WBP2NL: variants seen among roughly 807,000 people sequenced by gnomAD.
WBP2NL encodes WBP2 N-terminal like.
WBP2NL carries 27 observed loss-of-function variants against 23.3 expected under a neutral mutation model. The observed-to-expected ratio is 1.16, with a 90% CI of 0.85 to 1.60. The LOEUF (loss-of-function observed/expected upper bound fraction) is 1.60. Ranked by LOEUF, WBP2NL falls within the 40% of genes most tolerant of loss-of-function variation. WBP2NL has a pLI of 0.00. For missense variants in WBP2NL, 370 were observed against 389.5 expected (o/e 0.95, Z 0.42); for synonymous variants, 151 against 145.9 (o/e 1.03, Z -0.25).
chr22:42,048,185 G>T (rs1486223342), intron 8 of WBP2NL, among the ~76,000 whole-genome samples: 4 of 151,350 alleles, frequency 2.6e-5, no homozygotes, highest in Non-Finnish European at 5.9e-5. Context: ...ACTTTGGGAG[G>T]CCAAGGCGGG....
At position 42,027,858 on chromosome 22, in the gene WBP2NL, A is replaced by T. The variant is rs911275763; in HGVS notation, c.*677A>T. The T allele has an allele frequency of 7.5e-6, 3 of 397,846 alleles. No individual in the cohort carries two copies. Among genetic ancestry groups the T allele is most frequent in the Non-Finnish European group, 4.4e-6 (1 of 225,918 alleles). 24.6% of individuals were successfully genotyped at this position (397,846 alleles called of 1,614,324 possible). On this transcript the variant is annotated 3_prime_UTR_variant, in exon 6 of 6. Coordinates refer to ENST00000328823, the MANE Select transcript of WBP2NL (RefSeq NM_152613.3). ...AGAATACGTGAATAACTACAAATCA[A>T]TTCTCCCCAAAATGACAGAAATATG...
intron 1 of WBP2NL, among the ~76,000 whole-genome samples, chr22:42,005,108 T>A (rs1922093365): frequency 6.6e-6 from 1 of 151,834 alleles, no homozygotes; most frequent in Non-Finnish European, 1.5e-5. Context: ...TCCCGGCTAC[T>A]CAGGAGGCTG....
intron 5 of WBP2NL, among the ~76,000 whole-genome samples, chr22:42,025,994 G>A (rs1202073067): frequency 2.6e-5 from 4 of 152,102 alleles, no homozygotes; most frequent in African/African-American, 9.7e-5. Flanking sequence ...ATGGCTGGCC[G>A]GGCGCAGTGG....
chr22:42,009,428 G>C (rs1030078511), intron 1 of WBP2NL, among the ~76,000 whole-genome samples: 3 of 151,906 alleles, frequency 2.0e-5, no homozygotes, highest in Non-Finnish European at 4.4e-5. Context: ...TTTTTTCTAG[G>C]AGTTTTATAG....
downstream of WBP2NL, chr22:42,031,980 G>C (rs1924978872): frequency 6.6e-6 from 1 of 152,166 alleles, no homozygotes; most frequent in African/African-American, 2.4e-5. Context: ...ACAGGCATCG[G>C]CCTGTGCCTG....
At chr22:42,031,787 A>G (rs898260625), downstream of WBP2NL, 1 of 149,854 alleles carries the variant, frequency 6.7e-6, no homozygotes, top group Non-Finnish European at 1.5e-5. Flanking sequence ...CCTTTGCCCC[A>G]CAGGTTTAAG....
intron 8 of WBP2NL, among the ~76,000 whole-genome samples, chr22:42,043,265 C>T (rs1344133254): frequency 5.3e-5 from 8 of 152,074 alleles, no homozygotes; most frequent in Non-Finnish European, 1.0e-4. Flanking sequence ...CTGTGTGGTC[C>T]TTGGAGACAA....
intron 1 of WBP2NL, among the ~76,000 whole-genome samples, chr22:42,013,011 G>A (rs1445870587): frequency 4.0e-5 from 6 of 151,246 alleles, no homozygotes; most frequent in Admixed American, 6.6e-5. Flanking sequence ...AAACAACGGA[G>A]TGTTTTTTTA....
chr22:42,052,999 C>G (rs913190009), intron 8 of WBP2NL, among the ~76,000 whole-genome samples: 2 of 152,226 alleles, frequency 1.3e-5, no homozygotes, highest in African/African-American at 4.8e-5. Flanking sequence ...CTTCTCATTT[C>G]CTCTTCCCTC....
At position 42,020,864 on chromosome 22, in the gene WBP2NL, GTGTGTATATATATATATATATATATATA is replaced by G. The variant is rs1236076817; in HGVS notation, c.406+770_406+797del. ...TTTTATCTCATATATGTGTGTGTGTGTGTGTATATATATATATATATATATATATATATATATATATATATTTTTTTTT... is the reference window on the plus strand; with the variant it reads ...TTTTATCTCATATATGTGTGTGTGTGTATATATATATATATATTTTTTTTT... On this transcript the variant is annotated intron_variant, in intron 4 of 5. Coordinates refer to ENST00000328823, the MANE Select transcript of WBP2NL (RefSeq NM_152613.3). Among the ~76,000 whole-genome samples the G allele has an allele frequency of 8.3e-4, 29 of 35,028 alleles. 2 individuals carry two copies. In the East Asian group the frequency reaches 0.02, roughly 24 times the overall value. 23.0% of individuals were successfully genotyped at this position (35,028 alleles called of 152,430 possible). A position where few individuals can be genotyped will look rare whatever the true frequency, so the allele number is the denominator to read the frequency against.
At chr22:42,048,779 A>G (rs1189396248) in intron 8 of WBP2NL, among the ~76,000 whole-genome samples, 3 of 151,488 alleles carry the variant, frequency 2.0e-5, no homozygotes, top group Non-Finnish European at 2.9e-5. Context: ...AGAAAAGAAA[A>G]AAAAGAAACC....
intron 1 of WBP2NL, among the ~76,000 whole-genome samples, chr22:42,000,893 G>A (rs1467278063): frequency 6.6e-6 from 1 of 152,110 alleles, no homozygotes; most frequent in African/African-American, 2.4e-5. Context: ...GAACCAAAAG[G>A]TTGAGGCAGG....
intron 1 of WBP2NL, among the ~76,000 whole-genome samples, chr22:42,000,627 C>CT (rs560189975): frequency 6.6e-6 from 1 of 152,110 alleles, no homozygotes; most frequent in Non-Finnish European, 1.5e-5. Context: ...AGCGAGGAGT[C>CT]TGTCAAGAAT....
At chr22:42,008,471 T>G (rs1443541662) in intron 1 of WBP2NL, among the ~76,000 whole-genome samples, 1 of 152,004 alleles carries the variant, frequency 6.6e-6, no homozygotes, top group Non-Finnish European at 1.5e-5. Flanking sequence ...CCTCCCAAAG[T>G]GCTGGGATTA....
intron 1 of WBP2NL, among the ~76,000 whole-genome samples, chr22:42,002,191 T>C (rs11090066): frequency 0.29 from 44,408 of 152,148 alleles, 6,972 homozygotes; most frequent in Admixed American, 0.37. Flanking sequence ...TGAATTACCT[T>C]TATGGGATCC....
At chr22:41,999,181 G>A (rs987234824) in intron 1 of WBP2NL, among the ~76,000 whole-genome samples, 2 of 152,234 alleles carry the variant, frequency 1.3e-5, no homozygotes, top group Non-Finnish European at 2.9e-5. Context: ...GGTGCGAGAC[G>A]CGTGTGTCCT....
At chr22:42,023,796 CT>C (rs1924211298) in intron 5 of WBP2NL, among the ~76,000 whole-genome samples, 1 of 152,088 alleles carries the variant, frequency 6.6e-6, no homozygotes, top group Non-Finnish European at 1.5e-5. Flanking sequence ...CACCCAGCCC[CT>C]GCCAGCCTTT....
At position 42,019,212 on chromosome 22, in the gene WBP2NL, C is replaced by T. The variant is rs1480652360; in HGVS notation, c.63-99C>T. 5.5e-6 allele frequency: 6 copies of T among 1,097,524 alleles called. No individual in the cohort carries two copies. The Admixed American group carries it at 1.3e-4, about 23-fold the overall frequency. 68.0% of individuals were successfully genotyped at this position (1,097,524 alleles called of 1,614,324 possible). On this transcript the variant is annotated intron_variant, in intron 1 of 5. Coordinates refer to ENST00000328823, the MANE Select transcript of WBP2NL (RefSeq NM_152613.3). ...CTCCCGCCTGGGCAACAGAGTAAGA[C>T]TCTGTCTCAAAAAAAAAAAAAAATT...
chr22:42,037,409 A>G (rs2083185787), downstream of WBP2NL, among the ~76,000 whole-genome samples: 2 of 152,030 alleles, frequency 1.3e-5, no homozygotes, highest in Non-Finnish European at 1.5e-5. Context: ...TTCTCGTTCA[A>G]AATTGCTTTG....
Sources: gnomAD v4.1 joint callset for allele counts (sites outside exome capture counted in the v4.1 genomes callset) on GRCh38, gnomAD v4.1.1 for gene constraint, MANE v1.5 for transcripts, NCBI Gene and HGNC (gene_info 2026-07-23, HGNC 2026-07-21) for gene names.